Variants in NLRC4 observed in about 807,000 individuals in gnomAD.
The protein encoded by NLRC4 is NLR family CARD domain containing 4, also known as NLR family CARD domain-containing protein 4.
A neutral mutation model predicts 79.9 loss-of-function variants in NLRC4; 63 were observed. That is an observed-to-expected ratio of 0.79 (90% CI 0.64 to 0.97). The LOEUF (loss-of-function observed/expected upper bound fraction) is 0.97, where lower values mean the gene tolerates loss of function less well. NLRC4 is among the 50% of genes least tolerant of loss of function. The probability of loss-of-function intolerance (pLI) is 0.00; values close to 1 mark genes in which losing one functional copy is unlikely to be tolerated. For synonymous variants in NLRC4, 461 were observed against 456.5 expected (o/e 1.01, Z -0.12); for missense variants, 1,074 against 1,215.2 (o/e 0.88, Z 1.73).
At chr2:32,260,180 G>C (rs991954235) in intron 1 of NLRC4, among the ~76,000 whole-genome samples, 1 of 116,746 alleles carries the variant, frequency 8.6e-6, no homozygotes, top group Non-Finnish European at 1.6e-5. Context: ...AGTGAGCCAA[G>C]ATCGTGCCAC....
intron 1 of NLRC4, among the ~76,000 whole-genome samples, chr2:32,261,131 T>C (rs1365869438): frequency 6.7e-6 from 1 of 149,882 alleles, no homozygotes; most frequent in Non-Finnish European, 1.5e-5. Flanking sequence ...GGGCGGAGCT[T>C]GCAGTGAGCC....
chr2:32,250,319 G>A lies in NLRC4; in HGVS notation c.1545C>T (p.His515=), dbSNP rs756754650. Residue 515 remains histidine, a synonymous_variant, in exon 4 of 9, where the codon CAC becomes CAT. Coordinates refer to ENST00000402280, the MANE Select transcript of NLRC4 (RefSeq NM_001199138.2). This position sits in a 1 kb window ranked among gnomAD's most constrained non-coding sequence, Gnocchi z 4.9. ...VMKHLAAVYQ[H]GCLLGLSIAK... is the part of the protein sequence containing the mutation. The stretch of plus-strand genomic sequence containing the variant: ...CGATGGAAAGTCCGAGAAGGCAGCC[G>A]TGTTGATACACTGCTGCGAGGTGCT... 69 of 1,614,056 alleles carry A rather than the reference G, an allele frequency of 4.3e-5. 1 individual carries two copies. In the South Asian group the frequency reaches 4.6e-4, roughly 11 times the overall value.
intron 4 of NLRC4, among the ~76,000 whole-genome samples, chr2:32,247,055 G>T (rs1017964356): frequency 6.6e-6 from 1 of 152,122 alleles, no homozygotes; most frequent in African/African-American, 2.4e-5. Context: ...ACCTGGCCTG[G>T]CCCCAACCAA....
In NLRC4 at chr2:32,231,580, G is replaced by T. The variant is rs1214726500; in HGVS notation, c.2782+3821C>A. The stretch of plus-strand genomic sequence containing the variant: ...CTTTTTCTATTTTTTTTTGTGGGGG[G>T]GGGGTGGGGGACTGGGTGTCACTCT... On this transcript the variant is annotated intron_variant, in intron 8 of 8. Coordinates refer to ENST00000402280, the MANE Select transcript of NLRC4 (RefSeq NM_001199138.2). Among the ~76,000 whole-genome samples the T allele has an allele frequency of 1.5e-4, 16 of 106,672 alleles. 1 individual carries two copies. The highest frequency in any genetic ancestry group is 4.7e-4 in the African/African-American group (14 of 29,528). 70.0% of individuals were successfully genotyped at this position (106,672 alleles called of 152,430 possible).
rs554512846 is a variant in NLRC4 at position 32,234,000 on chromosome 2, A to T, written c.2782+1401T>A. Among the ~76,000 whole-genome samples, 10 of 152,256 alleles carry T rather than the reference A, an allele frequency of 6.6e-5. No individual in the cohort carries two copies. In the East Asian group the frequency reaches 1.9e-3, roughly 29 times the overall value. ...ATATATATGTGTGTGTATATATGGG[A>T]AGATGAAGAAGCTCTGGAGATGGAT... On this transcript the variant is annotated intron_variant, in intron 8 of 8. Transcript: ENST00000402280.
intron 6 of NLRC4, 87 bp downstream of exon 6, chr2:32,238,045 C>A: frequency 1.1e-6 from 1 of 914,198 alleles, no homozygotes; most frequent in Non-Finnish European, 1.6e-6. Context: ...ATTAAATTTC[C>A]ATTTGAGACA....
chr2:32,247,573 C>T (rs1686967281), intron 4 of NLRC4, among the ~76,000 whole-genome samples: 1 of 151,254 alleles, frequency 6.6e-6, no homozygotes, highest in South Asian at 2.1e-4. Context: ...CTCAGCCTTC[C>T]AATATATTTT....
At chr2:32,238,848 G>A (rs1686731247) in intron 5 of NLRC4, among the ~76,000 whole-genome samples, 1 of 152,126 alleles carries the variant, frequency 6.6e-6, no homozygotes, top group African/African-American at 2.4e-5. Context: ...TATATCAACA[G>A]TATAATTGGA....
intron 8 of NLRC4, among the ~76,000 whole-genome samples, chr2:32,232,877 T>A (rs1019429131): frequency 2.6e-5 from 4 of 152,102 alleles, no homozygotes; most frequent in Admixed American, 6.6e-5. Context: ...TAGAACAATT[T>A]TAAGTGGCTT....
rs146652932 is a variant in NLRC4, at chr2:32,230,571, A to G, written c.2782+4830T>C. On this transcript the variant is annotated intron_variant, in intron 8 of 8. Coordinates refer to ENST00000402280, the MANE Select transcript of NLRC4 (RefSeq NM_001199138.2). ...ACTGCAGCCTCCACCTTCTCGGTTCAAGAGAGTCTCCTGCCTCAGCCTCCC... is the reference window on the plus strand; with the variant it reads ...ACTGCAGCCTCCACCTTCTCGGTTCGAGAGAGTCTCCTGCCTCAGCCTCCC... 2.5e-3 allele frequency among the ~76,000 whole-genome samples: 377 copies of G among 151,370 alleles called. 2 individuals are homozygous for G. The highest frequency in any genetic ancestry group is 8.9e-3 in the African/African-American group (367 of 41,174).
chr2:32,257,876 T>C (rs1351347128), intron 1 of NLRC4, among the ~76,000 whole-genome samples: 1 of 151,968 alleles, frequency 6.6e-6, no homozygotes, highest in Non-Finnish European at 1.5e-5. Flanking sequence ...TAGTGGTGAA[T>C]GTTTACAGCT....
At chr2:32,230,467 C>CT (rs1686506461) in intron 8 of NLRC4, among the ~76,000 whole-genome samples, 2 of 145,318 alleles carry the variant, frequency 1.4e-5, no homozygotes, top group African/African-American at 5.2e-5. Flanking sequence ...GCCCAGCCCC[C>CT]GCTATTTTTT....
chr2:32,258,336 G>A (rs1435320202), intron 1 of NLRC4, among the ~76,000 whole-genome samples: 1 of 152,200 alleles, frequency 6.6e-6, no homozygotes, highest in Admixed American at 6.5e-5. Context: ...TTGTGTGTCT[G>A]CCTGCAAGGG....
intron 8 of NLRC4, among the ~76,000 whole-genome samples, chr2:32,229,119 CA>C (rs1251738629): frequency 6.6e-6 from 1 of 151,930 alleles, no homozygotes; most frequent in Non-Finnish European, 1.5e-5. Flanking sequence ...TACCATTTAA[CA>C]AAGGGTTTTG....
intron 6 of NLRC4, among the ~76,000 whole-genome samples, chr2:32,237,834 A>C (rs996794913): frequency 6.6e-6 from 1 of 152,194 alleles, no homozygotes; most frequent in Non-Finnish European, 1.5e-5. Flanking sequence ...GCAGTAAATT[A>C]TATGACCGGT....
chr2:32,244,859 G>A (rs180969175), intron 4 of NLRC4, among the ~76,000 whole-genome samples: 1 of 150,694 alleles, frequency 6.6e-6, no homozygotes, highest in Non-Finnish European at 1.5e-5. Context: ...AGAGGGGGAG[G>A]GGGAAGGAGA....
At position 32,241,119 on chromosome 2, in the gene NLRC4, A is replaced by G; in HGVS notation, c.2264T>C (p.Leu755Pro). 6.3e-7 allele frequency: 1 copy of G among 1,597,566 alleles called. No individual in the cohort carries two copies. Among genetic ancestry groups the G allele is most frequent in the Non-Finnish European group, 8.6e-7 (1 of 1,168,002 alleles). ...CTTCAAGTTACCCAAGCTGTCAGTC[A>G]GACCACCTGTCAAAAGAAAAAAGAT... The part of the protein sequence containing the change: ...DLQNQRLPGG[L>P]TDSLGNLKNL... Residue 755 changes from leucine to proline, a missense_variant, in exon 5 of 9, where the codon CTG becomes CCG. Coordinates refer to ENST00000402280, the MANE Select transcript of NLRC4 (RefSeq NM_001199138.2).
At position 32,250,010 on chromosome 2, in the gene NLRC4, C is replaced by G; in HGVS notation, c.1854G>C (p.Gly618=). Reference sequence around the variant, plus strand: ...CCTTTTCCCATGAAGCCATAGCTCCCCCATAAAAGTCCAGTTTAATGAAGT... The same window carrying G: ...CCTTTTCCCATGAAGCCATAGCTCCGCCATAAAAGTCCAGTTTAATGAAGT... ...ALDFIKLDFY[G]GAMASWEKAA... is the part of the protein sequence containing the mutation. The change falls in exon 4 of 9, where the codon GGG becomes GGC. Residue 618 remains glycine (G), a synonymous_variant. Transcript: ENST00000402280. This position sits in a 1 kb window ranked among gnomAD's most constrained non-coding sequence, Gnocchi z 4.9. 1 of 1,614,180 alleles carries G rather than the reference C, an allele frequency of 6.2e-7. No individual in the cohort carries two copies.
chr2:32,231,772 C>G (rs928371265), intron 8 of NLRC4, among the ~76,000 whole-genome samples: 1 of 151,808 alleles, frequency 6.6e-6, no homozygotes, highest in Non-Finnish European at 1.5e-5. Flanking sequence ...GTTGCTCAGA[C>G]TGGGCTCGGA....
Sources: gnomAD v4.1 joint callset for allele counts (sites outside exome capture counted in the v4.1 genomes callset) on GRCh38, gnomAD v4.1.1 for gene constraint, Gnocchi (gnomAD v3.1) non-coding constraint, MANE v1.5 for transcripts, NCBI Gene and HGNC (gene_info 2026-07-23, HGNC 2026-07-21) for gene names.